The following DCLK1 variants were observed in gnomAD, a reference collection of about 807,000 sequenced individuals.
DCLK1 encodes serine/threonine-protein kinase DCLK1.
Under a neutral mutation model 86.2 loss-of-function variants are expected in DCLK1, and 16 were observed. That is an observed-to-expected ratio of 0.19 (90% CI 0.13 to 0.28). DCLK1 has a LOEUF of 0.28. DCLK1 is among the 10% of genes least tolerant of loss of function. The pLI is 1.00. For synonymous variants in DCLK1, 369 were observed against 370.5 expected (o/e 1.00, Z 0.05); for missense variants, 590 against 940.2 (o/e 0.63, Z 4.87).
At chr13:36,022,094 G>C (rs1321239950) in intron 3 of DCLK1, among the ~76,000 whole-genome samples, 1 of 151,872 alleles carries the variant, frequency 6.6e-6, no homozygotes, top group Non-Finnish European at 1.5e-5. Context: ...TGATCACATT[G>C]GAATGAAATT....
At chr13:36,116,456 G>C (rs942905566) in intron 2 of DCLK1, among the ~76,000 whole-genome samples, 66 of 152,160 alleles carry the variant, frequency 4.3e-4, no homozygotes, top group African/African-American at 1.6e-3. Context: ...GGGTGACTGG[G>C]CCTGCAGTGT....
chr13:36,076,097 T>TA (rs1884205676), intron 3 of DCLK1, among the ~76,000 whole-genome samples: 2 of 152,176 alleles, frequency 1.3e-5, no homozygotes, highest in African/African-American at 4.8e-5. Flanking sequence ...CATCATGCTT[T>TA]AAAAAAATCT....
intron 16 of DCLK1, chr13:35,788,284 A>G: frequency 4.3e-6 from 7 of 1,613,952 alleles, no homozygotes; most frequent in African/African-American, 1.3e-5. Context: ...CCCGTGGTCC[A>G]GCTGAGCAGA....
At chr13:35,851,838 A>G (rs1870665756) in intron 6 of DCLK1, among the ~76,000 whole-genome samples, 1 of 152,238 alleles carries the variant, frequency 6.6e-6, no homozygotes, top group Admixed American at 6.5e-5. Context: ...AACAGAAGAA[A>G]GAAAGCTGAT....
chr13:35,931,660 C>A (rs1876438825), intron 4 of DCLK1, among the ~76,000 whole-genome samples: 1 of 151,902 alleles, frequency 6.6e-6, no homozygotes, highest in Non-Finnish European at 1.5e-5. Context: ...AGAAGTGCAA[C>A]CAGGATAGTG....
chr13:36,014,255 A>C lies in DCLK1; in HGVS notation c.724-66798T>G, dbSNP rs1412872841. On this transcript the variant is annotated intron_variant, in intron 3 of 16. Transcript: ENST00000360631. ...TCTACCCCTCTCTAAAATTTTATAG[A>C]GAGCTGAAGATCATATAAACAAAAT... Among the ~76,000 whole-genome samples, 4 of 152,230 alleles carry C rather than the reference A, an allele frequency of 2.6e-5. No homozygotes were observed. In the East Asian group the frequency reaches 7.7e-4, roughly 29 times the overall value.
chr13:35,911,082 G>A (rs1288282123), intron 4 of DCLK1, among the ~76,000 whole-genome samples: 1 of 142,870 alleles, frequency 7.0e-6, no homozygotes, highest in Admixed American at 7.4e-5. Flanking sequence ...AGGAGATCGA[G>A]ACCATCCTGG....
At chr13:36,018,584 C>T (rs538658806) in intron 3 of DCLK1, among the ~76,000 whole-genome samples, 22 of 152,214 alleles carry the variant, frequency 1.4e-4, no homozygotes, top group African/African-American at 5.1e-4. Context: ...TTCTTTTATA[C>T]ACAACCAGTG....
intron 3 of DCLK1, among the ~76,000 whole-genome samples, chr13:36,100,377 TCAAA>T (rs918523807): frequency 6.6e-6 from 1 of 151,896 alleles, no homozygotes; most frequent in East Asian, 1.9e-4. Context: ...AGATCTTGTC[TCAAA>T]CAAACAAACA....
chr13:36,047,015 G>A (rs2153156460), intron 3 of DCLK1, among the ~76,000 whole-genome samples: 1 of 152,198 alleles, frequency 6.6e-6, no homozygotes, highest in Non-Finnish European at 1.5e-5. Flanking sequence ...TAAAAAACGA[G>A]CAAAGCACTT....
chr13:35,943,217 G>A (rs765678070), intron 4 of DCLK1, among the ~76,000 whole-genome samples: 22 of 152,284 alleles, frequency 1.4e-4, no homozygotes, highest in Middle Eastern at 3.4e-3. Flanking sequence ...TGGAGGTGGA[G>A]ATTGGAGTGA....
chr13:36,121,211 G>A (rs537484001), intron 2 of DCLK1, among the ~76,000 whole-genome samples: 174 of 152,278 alleles, frequency 1.1e-3, no homozygotes, highest in African/African-American at 3.8e-3. Flanking sequence ...GGATGTACCA[G>A]TATGGAAAGG....
chr13:36,094,744 A>G (rs1884946058), intron 3 of DCLK1, among the ~76,000 whole-genome samples: 1 of 152,242 alleles, frequency 6.6e-6, no homozygotes, highest in South Asian at 2.1e-4. Context: ...AAAATGATGA[A>G]GAGCCCTGGA....
At chr13:35,986,619 T>C (rs1593794370) in intron 3 of DCLK1, among the ~76,000 whole-genome samples, 1 of 152,160 alleles carries the variant, frequency 6.6e-6, no homozygotes, top group East Asian at 1.9e-4. Context: ...CTTTTCACAA[T>C]CTGCCTGACA....
At chr13:35,835,459 T>G (rs978408491) in intron 8 of DCLK1, among the ~76,000 whole-genome samples, 1 of 152,190 alleles carries the variant, frequency 6.6e-6, no homozygotes, top group Non-Finnish European at 1.5e-5. Context: ...CAGTTGTCAC[T>G]TTTCCGTCTA....
intron 4 of DCLK1, among the ~76,000 whole-genome samples, chr13:35,945,182 G>A (rs1488440916): frequency 6.6e-6 from 1 of 152,184 alleles, no homozygotes; most frequent in Non-Finnish European, 1.5e-5. Flanking sequence ...TTACAGGCGT[G>A]AGCCACTGCA....
Position 36,056,171 on chromosome 13 carries a change from G to A in DCLK1, c.723+55698C>T, listed in dbSNP as rs1387946922. 5.6e-5 allele frequency among the ~76,000 whole-genome samples: 7 copies of A among 124,092 alleles called. No individual in the cohort carries two copies. In the East Asian group the frequency reaches 8.8e-4, roughly 16 times the overall value. 81.4% of individuals were successfully genotyped at this position (124,092 alleles called of 152,430 possible). A position where few individuals can be genotyped will look rare whatever the true frequency, so the allele number is the denominator to read the frequency against. ...GCTATAAAGACACATGCACACGTAT[G>A]TTTATTGCGGCATTATTCACAATAG... is the stretch of plus-strand genomic sequence containing the variant. On this transcript the variant is annotated intron_variant, in intron 3 of 16. Transcript: ENST00000360631.
chr13:35,918,890 G>GTTTTTTTTTTTTTTTT lies in DCLK1; in HGVS notation c.823+28467_823+28468insAAAAAAAAAAAAAAAA, dbSNP rs532112697. On this transcript the variant is annotated intron_variant, in intron 4 of 16. Transcript: ENST00000360631. Reference sequence around the variant, plus strand: ...CCAAAAAGAAATCTTCCTTCTGAGTGTGTTTTTTTTTTTTTTTTTGGAAAC... The same window carrying GTTTTTTTTTTTTTTTT: ...CCAAAAAGAAATCTTCCTTCTGAGTGTTTTTTTTTTTTTTTTTGTTTTTTTTTTTTTTTTTGGAAAC... Among the ~76,000 whole-genome samples, 18 of 14,214 alleles carry GTTTTTTTTTTTTTTTT rather than the reference G, an allele frequency of 1.3e-3. No individual in the cohort carries two copies. The South Asian group carries it at 0.023, about 18-fold the overall frequency. The allele number at this position is 14,214 out of a possible 152,430, so 9.3% of individuals were successfully genotyped here.
intron 4 of DCLK1, among the ~76,000 whole-genome samples, chr13:35,934,587 C>T (rs1419958464): frequency 6.6e-6 from 1 of 152,110 alleles, no homozygotes; most frequent in Non-Finnish European, 1.5e-5. Context: ...GCCATGAGAG[C>T]AGTATTGGGG....
Sources: gnomAD v4.1 joint callset for allele counts (sites outside exome capture counted in the v4.1 genomes callset) on GRCh38, gnomAD v4.1.1 for gene constraint, MANE v1.5 for transcripts, NCBI Gene and HGNC (gene_info 2026-07-23, HGNC 2026-07-21) for gene names.